CEP126: variants seen among roughly 807,000 people sequenced by gnomAD.
The protein encoded by CEP126 is centrosomal protein of 126 kDa.
A neutral mutation model predicts 107.8 loss-of-function variants in CEP126; 74 were observed. The observed-to-expected ratio is 0.69, with a 90% CI of 0.57 to 0.83. The LOEUF (loss-of-function observed/expected upper bound fraction) is 0.83. CEP126 is among the 40% of genes least tolerant of loss of function. The probability of loss-of-function intolerance (pLI) is 0.00; values close to 1 mark genes in which losing one functional copy is unlikely to be tolerated. For missense variants in CEP126, 1,237 were observed against 1,281.9 expected, an observed-to-expected ratio of 0.96 and a Z score of 0.53; for synonymous variants, 449 against 446.0, an observed-to-expected ratio of 1.01 and a Z score of -0.08.
chr11:101,919,206 G>A (rs1016714698), intron 1 of CEP126, among the ~76,000 whole-genome samples: 1 of 152,120 alleles, frequency 6.6e-6, no homozygotes, highest in Non-Finnish European at 1.5e-5. Flanking sequence ...GGGATTTAGA[G>A]TACCTGAGTT....
Position 101,990,721 on chromosome 11 carries a change from A to C in CEP126, c.3245-2057A>C, listed in dbSNP as rs535761087. Among the ~76,000 whole-genome samples the C allele has an allele frequency of 2.0e-4, 30 of 152,124 alleles. No homozygotes were observed. The East Asian group carries it at 5.4e-3, about 28-fold the overall frequency. On this transcript the variant is annotated intron_variant, in intron 9 of 10. Coordinates refer to ENST00000263468, the MANE Select transcript of CEP126 (RefSeq NM_020802.4). The stretch of plus-strand genomic sequence containing the variant: ...CAAATAATAGAAATCTACTACTGAG[A>C]GACAGGCAAGAGCATAAAGAGAGAT...
intron 7 of CEP126, among the ~76,000 whole-genome samples, chr11:101,981,216 T>C (rs568526892): frequency 1.3e-5 from 2 of 152,354 alleles, no homozygotes; most frequent in South Asian, 2.1e-4. Flanking sequence ...TTTTAGCTAA[T>C]AGTTATGATT....
chr11:101,919,665 ATTATAC>A (rs529512466), intron 1 of CEP126, among the ~76,000 whole-genome samples: 57 of 152,332 alleles, frequency 3.7e-4, no homozygotes, highest in East Asian at 2.1e-3. Context: ...ATACTATACT[ATTATAC>A]TTATATATAA....
intron 9 of CEP126, among the ~76,000 whole-genome samples, chr11:101,989,633 C>T (rs559330762): frequency 2.8e-4 from 42 of 152,186 alleles, no homozygotes; most frequent in Non-Finnish European, 5.6e-4. Flanking sequence ...GAGCTGAGGT[C>T]ACATCACAAC....
At position 101,945,932 on chromosome 11, in the gene CEP126, G is replaced by T. The variant is rs146155517; in HGVS notation, c.394+1522G>T. On this transcript the variant is annotated intron_variant, in intron 3 of 10. Transcript: ENST00000263468. ...AAAAAGGGAAAATGCATATTAGGTG[G>T]GGAACTAGGGGTCTCTGCTATAATT... is the stretch of plus-strand genomic sequence containing the variant. Among the ~76,000 whole-genome samples the T allele has an allele frequency of 4.0e-3, 616 of 152,204 alleles. 7 individuals carry two copies. The highest frequency in any genetic ancestry group is 0.014 in the African/African-American group (583 of 41,530).
At chr11:101,956,220 C>T in intron 4 of CEP126, 1 of 456,492 alleles carries the variant, frequency 2.2e-6, no homozygotes, top group Non-Finnish European at 4.4e-6. Flanking sequence ...CATTCTACTG[C>T]AGCCACTCTA....
At chr11:101,919,499 G>GT (rs879479273) in intron 1 of CEP126, among the ~76,000 whole-genome samples, 10 of 142,784 alleles carry the variant, frequency 7.0e-5, no homozygotes, top group East Asian at 1.9e-4. Context: ...ATTTAGCAGT[G>GT]TTTTTTTTAT....
intron 6 of CEP126, among the ~76,000 whole-genome samples, chr11:101,969,354 G>C (rs983155802): frequency 5.3e-5 from 8 of 152,150 alleles, no homozygotes; most frequent in African/African-American, 1.9e-4. Flanking sequence ...ATTTAGAAAT[G>C]TAAATTCATG....
At chr11:101,972,049 A>G (rs537559623) in intron 6 of CEP126, among the ~76,000 whole-genome samples, 1 of 151,266 alleles carries the variant, frequency 6.6e-6, no homozygotes, top group Non-Finnish European at 1.5e-5. Flanking sequence ...CGGAGGTTGC[A>G]GTGAGCCAAG....
intron 1 of CEP126, among the ~76,000 whole-genome samples, chr11:101,921,706 CAA>C (rs1169976779): frequency 6.1e-5 from 3 of 49,420 alleles, no homozygotes; most frequent in Non-Finnish European, 1.1e-4. Context: ...GACTCTGTCT[CAA>C]AAAAAAAAAA....
intron 6 of CEP126, among the ~76,000 whole-genome samples, chr11:101,970,163 C>T (rs965022874): frequency 6.6e-6 from 1 of 152,104 alleles, no homozygotes; most frequent in East Asian, 1.9e-4. Flanking sequence ...ATGCATATTA[C>T]TGACAAAGGG....
At chr11:101,993,738 A>G (rs1045042344) in intron 10 of CEP126, among the ~76,000 whole-genome samples, 2 of 152,186 alleles carry the variant, frequency 1.3e-5, no homozygotes, top group Non-Finnish European at 2.9e-5. Flanking sequence ...CTTTTTAATA[A>G]TAGCCATTCT....
At chr11:101,921,777 CT>C (rs747642967) in intron 1 of CEP126, among the ~76,000 whole-genome samples, 775 of 55,038 alleles carry the variant, frequency 0.014, 2 homozygotes, top group African/African-American at 0.041. Flanking sequence ...TTCATGATTT[CT>C]TTTTTTTTTT....
rs372479477 is a variant in CEP126 at position 101,969,880 on chromosome 11, T to C, written c.2845+6000T>C. On this transcript the variant is annotated intron_variant, in intron 6 of 10. Coordinates refer to ENST00000263468, the MANE Select transcript of CEP126 (RefSeq NM_020802.4). ...TCTTATAATTCATCAATAGGATATA[T>C]AGAATTAGTAAAAATGATCCTTATC... 2.8e-4 allele frequency among the ~76,000 whole-genome samples: 42 copies of C among 152,278 alleles called. No homozygotes were observed. In the East Asian group the frequency reaches 4.6e-3, roughly 17 times the overall value.
chr11:101,983,711 G>A (rs1941284203), intron 8 of CEP126, among the ~76,000 whole-genome samples: 1 of 152,144 alleles, frequency 6.6e-6, no homozygotes, highest in Admixed American at 6.5e-5. Context: ...TCACTGGTTT[G>A]GTGTTGTTAC....
chr11:101,937,146 T>A (rs1940595593), intron 2 of CEP126, among the ~76,000 whole-genome samples: 1 of 152,212 alleles, frequency 6.6e-6, no homozygotes, highest in Non-Finnish European at 1.5e-5. Flanking sequence ...ATTTTGTGCA[T>A]GAAACAAAGT....
chr11:101,915,506 G>A, intron 1 of CEP126, 94 bp downstream of exon 1: 1 of 1,462,842 alleles, frequency 6.8e-7, no homozygotes, highest in Non-Finnish European at 9.3e-7. Context: ...GACGCAGGGT[G>A]ATCAAAACTA....
In CEP126 at chr11:101,997,660, C is replaced by T. The variant is rs763740300; in HGVS notation, c.*17C>T. On this transcript the variant is annotated 3_prime_UTR_variant, in exon 11 of 11. Transcript: ENST00000263468. ...AAGAGATAATTCCAGCAGAATCCGT[C>T]TAAGAAGACCTTTCATGTACTTCCC... 6.2e-7 allele frequency: 1 copy of T among 1,613,810 alleles called. No homozygotes were observed. Among genetic ancestry groups the T allele is most frequent in the Non-Finnish European group, 8.5e-7 (1 of 1,179,872 alleles).
At position 101,964,206 on chromosome 11, in the gene CEP126, GGAA is replaced by G. The variant is rs1419462372; in HGVS notation, c.2845+333_2845+335del. Among the ~76,000 whole-genome samples the G allele has an allele frequency of 2.7e-5, 4 of 150,706 alleles. No homozygotes were observed. The East Asian group carries it at 5.9e-4, about 22-fold the overall frequency. On this transcript the variant is annotated intron_variant, in intron 6 of 10. Coordinates refer to ENST00000263468, the MANE Select transcript of CEP126 (RefSeq NM_020802.4). ...TAGTCCCAGCTACTCGGGAGGCTAA[GGAA>G]GAAGAATTGCTTGAACCTGGGAGGT...
Sources: allele counts gnomAD v4.1 joint callset (sites outside exome capture counted in the v4.1 genomes callset), GRCh38; gene constraint gnomAD v4.1.1; transcripts MANE v1.5; gene names NCBI Gene and HGNC (gene_info 2026-07-23, HGNC 2026-07-21).